Variants in TRPC4 observed in about 807,000 individuals in gnomAD.
TRPC4 encodes the protein short transient receptor potential channel 4.
In TRPC4, 49 loss-of-function variants were observed where a neutral mutation model predicts 99.4. That is an observed-to-expected ratio of 0.49 (90% CI 0.39 to 0.63). TRPC4 has a LOEUF of 0.63. Ranked by LOEUF, TRPC4 falls within the 20% of genes least tolerant of loss-of-function variation. The pLI, the probability that TRPC4 is intolerant of heterozygous loss-of-function variation, is 0.00. For missense variants in TRPC4, 898 were observed against 1,152.9 expected (o/e 0.78, Z 3.20); for synonymous variants, 454 against 425.9 (o/e 1.07, Z -0.81).
intron 1 of TRPC4, among the ~76,000 whole-genome samples, chr13:37,801,125 A>G (rs1957389129): frequency 6.6e-6 from 1 of 152,144 alleles, no homozygotes; most frequent in Non-Finnish European, 1.5e-5. Context: ...TGCCATAAAT[A>G]AAAAAATATG....
In TRPC4 at chr13:37,663,715, A is replaced by G; in HGVS notation, c.1389T>C (p.Asn463=). Residue 463 remains asparagine (N), a synonymous_variant, in exon 6 of 11, where the codon AAT becomes AAC. Transcript: ENST00000379705. ...GCCACATGTCCCATGATTCTCGTGGATTAAGGGCACTGTACTGGAAAAAAC... is the reference window on the plus strand; with the variant it reads ...GCCACATGTCCCATGATTCTCGTGGGTTAAGGGCACTGTACTGGAAAAAAC... ...IVAFVKYSAL[N]PRESWDMWHP... 1.2e-6 allele frequency: 2 copies of G among 1,613,682 alleles called. No individual in the cohort carries two copies. Among genetic ancestry groups the G allele is most frequent in the Non-Finnish European group, 1.7e-6 (2 of 1,179,814 alleles).
At chr13:37,860,272 GAATATTTTT>G (rs1479545720) in intron 1 of TRPC4, among the ~76,000 whole-genome samples, 7 of 151,258 alleles carry the variant, frequency 4.6e-5, no homozygotes, top group African/African-American at 1.7e-4. Flanking sequence ...TTCATATGGT[GAATATTTTT>G]AATATTTTTC....
At chr13:37,835,590 G>A (rs553006503) in intron 1 of TRPC4, among the ~76,000 whole-genome samples, 6 of 152,314 alleles carry the variant, frequency 3.9e-5, no homozygotes, top group African/African-American at 9.6e-5. Context: ...AAAGGAAGAC[G>A]TGTGCAGACA....
intron 2 of TRPC4, among the ~76,000 whole-genome samples, chr13:37,769,894 A>G (rs902152193): frequency 2.6e-5 from 4 of 151,562 alleles, no homozygotes; most frequent in Non-Finnish European, 5.9e-5. Context: ...ATCTAAATAT[A>G]CTAGGCACTT....
intron 3 of TRPC4, among the ~76,000 whole-genome samples, chr13:37,716,094 A>G (rs1250029539): frequency 7.4e-6 from 1 of 135,108 alleles, no homozygotes; most frequent in Non-Finnish European, 1.6e-5. Flanking sequence ...ACAGACTAAG[A>G]GAAACATGAA....
chr13:37,642,874 G>A (rs1372823408), intron 8 of TRPC4, among the ~76,000 whole-genome samples: 3 of 151,968 alleles, frequency 2.0e-5, no homozygotes, highest in Non-Finnish European at 4.4e-5. Flanking sequence ...AGGATTACAG[G>A]TGCATGGCAC....
rs61607544 is a variant in TRPC4 at position 37,812,176 on chromosome 13, C to CAAAAA, written c.-27-28821_-27-28817dup. Among the ~76,000 whole-genome samples the CAAAAA allele has an allele frequency of 3.0e-3, 166 of 55,132 alleles. 7 individuals are homozygous for CAAAAA. Among genetic ancestry groups the CAAAAA allele is most frequent in the African/African-American group, 0.011 (143 of 12,678 alleles). 36.2% of individuals were successfully genotyped at this position (55,132 alleles called of 152,430 possible). A position where few individuals can be genotyped will look rare whatever the true frequency, so the allele number is the denominator to read the frequency against. ...CCTAGGCAACAGACTGAGACTCTAT[C>CAAAAA]AAAAAAAAAAAAAAAAAAACCAGGA... is the stretch of plus-strand genomic sequence containing the variant. On this transcript the variant is annotated intron_variant, in intron 1 of 10. Coordinates refer to ENST00000379705, the MANE Select transcript of TRPC4 (RefSeq NM_016179.4).
intron 2 of TRPC4, among the ~76,000 whole-genome samples, chr13:37,756,199 CAT>C (rs1000721459): frequency 2.6e-5 from 4 of 152,128 alleles, no homozygotes; most frequent in East Asian, 3.9e-4. Context: ...CATACACACA[CAT>C]GAACACAAAC....
At chr13:37,697,278 T>C (rs931016320) in intron 3 of TRPC4, among the ~76,000 whole-genome samples, 2 of 152,138 alleles carry the variant, frequency 1.3e-5, no homozygotes, top group African/African-American at 4.8e-5. Flanking sequence ...TTGGGACTAA[T>C]TATGTAACTG....
At chr13:37,783,813 C>A (rs1460850857) in intron 1 of TRPC4, among the ~76,000 whole-genome samples, 1 of 151,888 alleles carries the variant, frequency 6.6e-6, no homozygotes, top group Non-Finnish European at 1.5e-5. Flanking sequence ...TATGTAATAC[C>A]ATTATGTTTG....
At chr13:37,796,972 AGT>A (rs1214421339) in intron 1 of TRPC4, among the ~76,000 whole-genome samples, 63 of 126,164 alleles carry the variant, frequency 5.0e-4, no homozygotes, top group Middle Eastern at 8.1e-3. Context: ...AATAAAATAA[AGT>A]AAAGTAAAGT....
chr13:37,696,080 G>A (rs988972545), intron 3 of TRPC4, among the ~76,000 whole-genome samples: 10 of 152,240 alleles, frequency 6.6e-5, no homozygotes, highest in African/African-American at 2.4e-4. Flanking sequence ...GGCTGGGGAG[G>A]TCTCACAGTT....
chr13:37,632,246 C>T lies in TRPC4; in HGVS notation c.*4657G>A, dbSNP rs911682383. Among the ~76,000 whole-genome samples the T allele has an allele frequency of 2.0e-5, 3 of 152,124 alleles. No individual in the cohort carries two copies. Among genetic ancestry groups the T allele is most frequent in the Admixed American group, 6.6e-5 (1 of 15,266 alleles). ...GCAAGGCACAAATGCAAGCCACATA[C>T]GTATTTTTCAGTTTTCTAGTAGCCA... On this transcript the variant is annotated 3_prime_UTR_variant, in exon 11 of 11. Transcript: ENST00000379705.
intron 1 of TRPC4, among the ~76,000 whole-genome samples, chr13:37,831,429 G>A (rs1020199142): frequency 6.6e-6 from 1 of 152,162 alleles, no homozygotes; most frequent in Non-Finnish European, 1.5e-5. Flanking sequence ...CTCATACGCT[G>A]TTGTTGGGAA....
chr13:37,813,361 C>T (rs956138167), intron 1 of TRPC4, among the ~76,000 whole-genome samples: 1 of 150,872 alleles, frequency 6.6e-6, no homozygotes, highest in African/African-American at 2.4e-5. Flanking sequence ...AATATTAAAT[C>T]AAAGCAAGCA....
intron 1 of TRPC4, among the ~76,000 whole-genome samples, chr13:37,815,532 A>G (rs1196865885): frequency 6.6e-6 from 1 of 151,988 alleles, no homozygotes; most frequent in Admixed American, 6.6e-5. Flanking sequence ...AGGGCATTAC[A>G]TGATAGTAAA....
intron 6 of TRPC4, among the ~76,000 whole-genome samples, chr13:37,660,434 T>C (rs1952394621): frequency 6.6e-6 from 1 of 152,150 alleles, no homozygotes; most frequent in Non-Finnish European, 1.5e-5. Context: ...AGCCAAATTA[T>C]AATTGGATGA....
At chr13:37,742,595 C>A (rs73168467) in intron 3 of TRPC4, among the ~76,000 whole-genome samples, 2 of 151,974 alleles carry the variant, frequency 1.3e-5, no homozygotes, top group Non-Finnish European at 2.9e-5. Context: ...AATGCTCCTG[C>A]GGTGAGACAA....
chr13:37,859,709 A>T (rs1174139205), intron 1 of TRPC4, among the ~76,000 whole-genome samples: 1 of 151,486 alleles, frequency 6.6e-6, no homozygotes, highest in East Asian at 1.9e-4. Flanking sequence ...TTCATAGTCA[A>T]CATACAATGA....
Sources: allele counts gnomAD v4.1 joint callset (sites outside exome capture counted in the v4.1 genomes callset), GRCh38; gene constraint gnomAD v4.1.1; transcripts MANE v1.5; gene names NCBI Gene and HGNC (gene_info 2026-07-23, HGNC 2026-07-21).